The following NUDCD1 variants were observed in gnomAD, a reference collection of about 807,000 sequenced individuals.
NUDCD1 encodes the protein NudC domain containing 1.
Under a neutral mutation model 67.8 loss-of-function variants are expected in NUDCD1, and 60 were observed. That is an observed-to-expected ratio of 0.88 (90% CI 0.72 to 1.10). The LOEUF is 1.10. NUDCD1 is among the 50% of genes least tolerant of loss of function. NUDCD1 has a pLI of 0.00. For missense variants in NUDCD1, 643 were observed against 695.0 expected, an observed-to-expected ratio of 0.93 and a Z score of 0.84; for synonymous variants, 244 against 230.8, an observed-to-expected ratio of 1.06 and a Z score of -0.52.
At chr8:109,321,315 A>G (rs1432355929) in intron 2 of NUDCD1, among the ~76,000 whole-genome samples, 1 of 152,184 alleles carries the variant, frequency 6.6e-6, no homozygotes, top group Non-Finnish European at 1.5e-5. Context: ...TAGCTCAAAC[A>G]ATGAGAGGGT....
chr8:109,270,090 A>AGGG (rs1563665962), intron 8 of NUDCD1, among the ~76,000 whole-genome samples: 12 of 7,602 alleles, frequency 1.6e-3, no homozygotes, highest in Admixed American at 5.4e-3. Context: ...GGGTGCCTTA[A>AGGG]GGTGGGGTGT....
chr8:109,294,140 G>A (rs1814779783), intron 3 of NUDCD1, among the ~76,000 whole-genome samples: 1 of 151,778 alleles, frequency 6.6e-6, no homozygotes, highest in South Asian at 2.1e-4. Context: ...ACAAAATAGA[G>A]AAGGTTTTAA....
At chr8:109,262,536 C>A (rs1184222119) in intron 8 of NUDCD1, among the ~76,000 whole-genome samples, 2 of 152,198 alleles carry the variant, frequency 1.3e-5, no homozygotes, top group Non-Finnish European at 2.9e-5. Flanking sequence ...CCAGTCAGAG[C>A]TCACCTGCCC....
chr8:109,271,437 G>T (rs1215043970), intron 7 of NUDCD1, among the ~76,000 whole-genome samples: 2 of 152,136 alleles, frequency 1.3e-5, no homozygotes, highest in Non-Finnish European at 2.9e-5. Context: ...AATCTGAAAT[G>T]AAAAACAAAA....
At chr8:109,301,808 T>C (rs1021104146) in intron 2 of NUDCD1, among the ~76,000 whole-genome samples, 13 of 152,202 alleles carry the variant, frequency 8.5e-5, no homozygotes, top group Admixed American at 7.2e-4. Context: ...GCACCAGTCA[T>C]GGACTCGGGA....
chr8:109,321,724 A>G (rs1815542880), intron 2 of NUDCD1, among the ~76,000 whole-genome samples: 1 of 152,132 alleles, frequency 6.6e-6, no homozygotes, highest in Non-Finnish European at 1.5e-5. Context: ...AGCCAACTAT[A>G]TGCTCTTTAT....
intron 8 of NUDCD1, among the ~76,000 whole-genome samples, chr8:109,261,065 A>C (rs1286453726): frequency 2.0e-5 from 3 of 152,230 alleles, no homozygotes; most frequent in Non-Finnish European, 4.4e-5. Flanking sequence ...TTTAAGAAAT[A>C]CATGTAGGGG....
chr8:109,245,241 A>AC, intron 9 of NUDCD1, 81 bp downstream of exon 9: 2 of 1,378,126 alleles, frequency 1.5e-6, no homozygotes, highest in South Asian at 2.8e-5. Flanking sequence ...CAAATTAAAA[A>AC]GAAAAAAAAG....
intron 5 of NUDCD1, among the ~76,000 whole-genome samples, chr8:109,282,830 A>C (rs566464554): frequency 6.8e-6 from 1 of 147,764 alleles, no homozygotes; most frequent in South Asian, 2.1e-4. Context: ...TTAAAAGTAC[A>C]ATAAAAAAAT....
intron 2 of NUDCD1, among the ~76,000 whole-genome samples, chr8:109,321,907 A>G (rs1168802535): frequency 6.6e-6 from 1 of 152,228 alleles, no homozygotes; most frequent in Non-Finnish European, 1.5e-5. Flanking sequence ...AAAAGAATCA[A>G]TTCAGTATAA....
At chr8:109,285,798 A>G (rs1814560956) in intron 5 of NUDCD1, among the ~76,000 whole-genome samples, 1 of 152,158 alleles carries the variant, frequency 6.6e-6, no homozygotes, top group Non-Finnish European at 1.5e-5. Flanking sequence ...ATAGTCCTGG[A>G]AGTACTAACC....
chr8:109,273,102 C>A (rs1236313029), intron 7 of NUDCD1, among the ~76,000 whole-genome samples: 1 of 152,154 alleles, frequency 6.6e-6, no homozygotes, highest in African/African-American at 2.4e-5. Context: ...TGCTATACTG[C>A]TTTCCAAGGA....
chr8:109,279,555 CTTAATGGTATCTTTAGAAGAACAAAAA>C (rs1366191036), intron 6 of NUDCD1, among the ~76,000 whole-genome samples: 2 of 152,038 alleles, frequency 1.3e-5, no homozygotes, highest in African/African-American at 2.4e-5. Flanking sequence ...TTTTTGTTCT[CTTAATGGTATCTTTAGAAGAACAAAAA>C]TTTTTAATTT....
intron 5 of NUDCD1, among the ~76,000 whole-genome samples, chr8:109,283,261 TA>T (rs1242983481): frequency 4.6e-5 from 7 of 152,050 alleles, no homozygotes; most frequent in Admixed American, 1.3e-4. Flanking sequence ...AAAAGAATTT[TA>T]AAAAAATGAA....
At chr8:109,262,421 T>G (rs1813881589) in intron 8 of NUDCD1, among the ~76,000 whole-genome samples, 2 of 152,198 alleles carry the variant, frequency 1.3e-5, no homozygotes, top group African/African-American at 4.8e-5. Flanking sequence ...AACCAGTTCC[T>G]ATTGTTGGTG....
intron 8 of NUDCD1, among the ~76,000 whole-genome samples, chr8:109,248,912 A>G (rs1813561276): frequency 6.6e-6 from 1 of 152,048 alleles, no homozygotes; most frequent in Non-Finnish European, 1.5e-5. Flanking sequence ...AACCTGTTGC[A>G]TATCCTGTCC....
intron 8 of NUDCD1, among the ~76,000 whole-genome samples, chr8:109,259,852 C>T (rs1400380735): frequency 2.6e-5 from 4 of 152,104 alleles, no homozygotes; most frequent in Admixed American, 1.3e-4. Context: ...ACAAATTTAC[C>T]TTATTTAATA....
At chr8:109,248,284 T>C (rs1365778500) in intron 8 of NUDCD1, among the ~76,000 whole-genome samples, 1 of 152,164 alleles carries the variant, frequency 6.6e-6, no homozygotes, top group Non-Finnish European at 1.5e-5. Flanking sequence ...ACCTCCCAAA[T>C]TGTAAGAGAA....
At chr8:109,275,733 T>C (rs1814270705) in intron 6 of NUDCD1, among the ~76,000 whole-genome samples, 1 of 152,164 alleles carries the variant, frequency 6.6e-6, no homozygotes, top group Non-Finnish European at 1.5e-5. Context: ...GTACATCAAA[T>C]GGCCTGAAGA....
Sources: gnomAD v4.1 joint callset for allele counts (sites outside exome capture counted in the v4.1 genomes callset) on GRCh38, gnomAD v4.1.1 for gene constraint, MANE v1.5 for transcripts, NCBI Gene and HGNC (gene_info 2026-07-23, HGNC 2026-07-21) for gene names.